Variants in L1CAM observed in about 807,000 individuals in gnomAD.
L1CAM encodes L1 cell adhesion molecule.
L1CAM carries 8 observed loss-of-function variants against 93.0 expected under a neutral mutation model. The ratio of observed to expected loss-of-function variants is 0.09; its 90% CI spans 0.05 to 0.16. The LOEUF is 0.16. L1CAM is among the 10% of genes least tolerant of loss of function. The pLI is 1.00. For missense variants in L1CAM, 777 were observed against 1,073.4 expected, an observed-to-expected ratio of 0.72 and a Z score of 3.86; for synonymous variants, 453 against 453.0, an observed-to-expected ratio of 1.00 and a Z score of 0.00.
chrX:153,873,350 C>G, intron 2 of L1CAM, 108 bp from the exon 3 acceptor site: 1 of 837,336 alleles, frequency 1.2e-6, no homozygotes, highest in African/African-American at 2.0e-5. Context: ...GCAGCCCCCC[C>G]GTGGAGAGGG....
chrX:153,871,004 GACACCCCCGCTA>G, intron 6 of L1CAM, 41 bp downstream of exon 6: 9 of 1,211,099 alleles, frequency 7.4e-6, no homozygotes, highest in Non-Finnish European at 1.0e-5. Context: ...CGTCCAGGAA[GACACCCCCGCTA>G]ACACCCCGAC....
intron 3 of L1CAM, 58 bp downstream of exon 3, chrX:153,873,170 G>T: frequency 2.6e-6 from 3 of 1,140,038 alleles, no homozygotes; most frequent in Non-Finnish European, 3.6e-6. Context: ...TCAGCTGAGG[G>T]CCTCCTTACC....
chrX:153,869,470 G>GC (rs782051853), intron 11 of L1CAM, 50 bp downstream of exon 11: 2 of 1,196,032 alleles, frequency 1.7e-6, no homozygotes, highest in African/African-American at 3.5e-5. Flanking sequence ...GGCCCAGTGG[G>GC]CTGCAGGGAC....
chrX:153,866,938 A>G, intron 18 of L1CAM, 67 bp from the exon 19 acceptor site: 1 of 1,120,931 alleles, frequency 8.9e-7, no homozygotes, highest in Non-Finnish European at 1.2e-6. Context: ...CCCGCCCCCC[A>G]GCACAAACCA....
intron 11 of L1CAM, 139 bp from the exon 12 acceptor site, chrX:153,869,091 C>T (rs782787346): frequency 5.7e-6 from 3 of 522,169 alleles, no homozygotes; most frequent in East Asian, 3.6e-5. Flanking sequence ...CTGAGGCCCC[C>T]GCCAGGCTGT....
At chrX:153,869,121 C>A in intron 11 of L1CAM, 169 bp from the exon 12 acceptor site, 1 of 482,212 alleles carries the variant, frequency 2.1e-6, no homozygotes, top group Non-Finnish European at 3.7e-6. Flanking sequence ...TGCCTTCAGA[C>A]ACTGCCCTCT....
chrX:153,872,463 G>A, intron 4 of L1CAM, 109 bp from the exon 5 acceptor site: 1 of 944,765 alleles, frequency 1.1e-6, no homozygotes, highest in Non-Finnish European at 1.5e-6. Context: ...GATGGACTGG[G>A]AGATGGCGAG....
intron 3 of L1CAM, 126 bp downstream of exon 3, chrX:153,873,102 A>T (rs2064787006): frequency 1.5e-6 from 1 of 663,673 alleles, no homozygotes; most frequent in Non-Finnish European, 2.5e-6. Context: ...AGAGAAGCAC[A>T]TGGTGCTCAG....
At position 153,866,770 on chromosome X, in the gene L1CAM, G is replaced by A. The variant is rs2064717101; in HGVS notation, c.2310C>T (p.Asp770=). The A allele has an allele frequency of 8.3e-7, 1 of 1,209,565 alleles. No individual in the cohort carries two copies. Among genetic ancestry groups the A allele is most frequent in the African/African-American group, 1.8e-5 (1 of 57,108 alleles). ...RGPWQEQIVS[D]PFLVVSNTST... ...ACGTGTTGGACACCACCAGGAAGGG[G>A]TCGCTGACAATCTGCTCCTGCCAGG... The change falls in exon 19 of 29, where the codon GAC becomes GAT. Residue 770 remains aspartate, a synonymous_variant. Coordinates refer to ENST00000370060, the MANE Select transcript of L1CAM (RefSeq NM_001278116.2).
At chrX:153,864,767 C>G in intron 23 of L1CAM, 54 bp downstream of exon 23, 1 of 1,211,956 alleles carries the variant, frequency 8.3e-7, no homozygotes, top group Non-Finnish European at 1.1e-6. Context: ...GGCCCTCCCT[C>G]CTGGACCCGG....
chrX:153,883,715 G>A (rs142085600), intron 1 of L1CAM: 3 of 334,596 alleles, frequency 9.0e-6, no homozygotes, highest in South Asian at 5.3e-5. Flanking sequence ...TGGCAGACCA[G>A]GGTCTTGGCT....
intron 2 of L1CAM, 46 bp from the exon 3 acceptor site, chrX:153,873,288 C>A (rs1557093765): frequency 8.5e-7 from 1 of 1,173,785 alleles, no homozygotes; most frequent in Admixed American, 2.2e-5. Flanking sequence ...GAGAGAAATA[C>A]TGACAGGCAG....
chrX:153,875,527 C>A, intron 2 of L1CAM: 1 of 495,527 alleles, frequency 2.0e-6, no homozygotes, highest in South Asian at 2.6e-5. Flanking sequence ...GCTGAAATCG[C>A]CCCGGCGGCC....
rs782618878 is a variant in L1CAM, at chrX:153,877,968, G to A, written c.-108-2024C>T. On this transcript the variant is annotated intron_variant, in intron 1 of 28. Coordinates refer to ENST00000370060, the MANE Select transcript of L1CAM (RefSeq NM_001278116.2). ...GTCCATATTCACCTACAAGTAAGGGGAGCCAAAGACTAAGGGTCTGAAAGA... is the reference window on the plus strand; with the variant it reads ...GTCCATATTCACCTACAAGTAAGGGAAGCCAAAGACTAAGGGTCTGAAAGA... Among the ~76,000 whole-genome samples the A allele has an allele frequency of 7.1e-5, 8 of 112,441 alleles. 1 individual carries two copies. The South Asian group carries it at 2.6e-3, about 36-fold the overall frequency.
Position 153,868,774 on chromosome X carries a change from C to T in L1CAM, c.1380-47G>A, listed in dbSNP as rs782142133. 9 of 1,202,832 alleles carry T rather than the reference C, an allele frequency of 7.5e-6. No homozygotes were observed. In the South Asian group the frequency reaches 1.2e-4, roughly 16 times the overall value. On this transcript the variant is annotated intron_variant, in intron 12 of 28. Coordinates refer to ENST00000370060, the MANE Select transcript of L1CAM (RefSeq NM_001278116.2). ...TGGCTCTGACTGGCTGGCCTGGGCT[C>T]CCTGCCCTCCCTGGCTCCCTGGCCA...
rs1557093742 is a variant in L1CAM, at chrX:153,873,215, C to T, written c.91+13G>A. 2.5e-6 allele frequency: 3 copies of T among 1,208,475 alleles called. No individual in the cohort carries two copies. The Admixed American group carries it at 6.5e-5, about 26-fold the overall frequency. ...GGCCTTCTGGGAAACACTCTCACCC[C>T]TCCCCAACTTACCATGGTGTCCTTC... is the stretch of plus-strand genomic sequence containing the variant. On this transcript the variant is annotated intron_variant, in intron 3 of 28. Transcript: ENST00000370060.
Position 153,869,509 on chromosome X carries a change from A to T in L1CAM, c.1267+11T>A. 2.5e-6 allele frequency: 3 copies of T among 1,210,470 alleles called. No individual in the cohort carries two copies. In the South Asian group the frequency reaches 5.3e-5, roughly 21 times the overall value. ...CTGGGAGTTAGGAGGTAAGGAAGGG[A>T]GGGCACTCACGGACAACGTAGATGT... On this transcript the variant is annotated intron_variant, in intron 11 of 28. Transcript: ENST00000370060.
At chrX:153,879,538 G>T (rs1302606709) in intron 1 of L1CAM, among the ~76,000 whole-genome samples, 2 of 112,354 alleles carry the variant, frequency 1.8e-5, no homozygotes, top group African/African-American at 6.5e-5. Flanking sequence ...GTCAGTGGAG[G>T]GGCTTCCCGG....
At chrX:153,882,408 G>A (rs1264003537) in intron 1 of L1CAM, among the ~76,000 whole-genome samples, 1 of 110,516 alleles carries the variant, frequency 9.0e-6, no homozygotes, top group East Asian at 2.9e-4. Flanking sequence ...TGGGGCATCT[G>A]AGGAGACCCA....
Sources: allele counts gnomAD v4.1 joint callset (sites outside exome capture counted in the v4.1 genomes callset), GRCh38; gene constraint gnomAD v4.1.1; transcripts MANE v1.5; gene names NCBI Gene and HGNC (gene_info 2026-07-23, HGNC 2026-07-21).